Variants in AGMO observed in about 807,000 individuals in gnomAD.
The protein encoded by AGMO is alkylglycerol monooxygenase, also known as glyceryl-ether monooxygenase.
Under a neutral mutation model 60.2 loss-of-function variants are expected in AGMO, and 75 were observed. The ratio of observed to expected loss-of-function variants is 1.25; its 90% CI spans 1.03 to 1.51. The LOEUF is 1.51. Among genes scored for constraint, AGMO ranks in the 40% most tolerant of loss-of-function variants. The pLI, the probability that AGMO is intolerant of heterozygous loss-of-function variation, is 0.00. For missense variants in AGMO, 763 were observed against 525.5 expected (o/e 1.45, Z -4.42); for synonymous variants, 261 against 177.1 (o/e 1.47, Z -3.76).
At chr7:15,307,908 G>A (rs938331527) in intron 12 of AGMO, among the ~76,000 whole-genome samples, 2 of 152,028 alleles carry the variant, frequency 1.3e-5, no homozygotes, top group African/African-American at 4.8e-5. Context: ...AAACAAGTGT[G>A]ATGGAGTTTT....
chr7:15,293,767 C>G (rs529015020), intron 12 of AGMO, among the ~76,000 whole-genome samples: 41 of 152,280 alleles, frequency 2.7e-4, no homozygotes, highest in Non-Finnish European at 4.7e-4. Flanking sequence ...GAGTATTAAA[C>G]TAATATTTTA....
the AGMO span, among the ~76,000 whole-genome samples, chr7:15,138,930 T>C: frequency 6.6e-6 from 1 of 152,156 alleles, no homozygotes; most frequent in African/African-American, 2.4e-5. Context: ...TTTATATACA[T>C]TACATATATC....
At chr7:15,279,376 TA>T (rs780443449) in intron 12 of AGMO, among the ~76,000 whole-genome samples, 3 of 152,220 alleles carry the variant, frequency 2.0e-5, no homozygotes, top group Non-Finnish European at 4.4e-5. Context: ...CTTGAATTGT[TA>T]ACATTTACTT....
chr7:15,345,316 C>T (rs192760570), intron 12 of AGMO, among the ~76,000 whole-genome samples: 1 of 152,220 alleles, frequency 6.6e-6, no homozygotes, highest in Admixed American at 6.5e-5. Flanking sequence ...TTCAGTTCCC[C>T]AACATGGTAA....
At chr7:15,412,062 A>C (rs1235952557) in intron 5 of AGMO, among the ~76,000 whole-genome samples, 1 of 152,104 alleles carries the variant, frequency 6.6e-6, no homozygotes, top group African/African-American at 2.4e-5. Flanking sequence ...CTATAGAGTA[A>C]AATTTTTCTA....
chr7:15,396,985 AG>A (rs1395829094), intron 5 of AGMO, among the ~76,000 whole-genome samples: 11 of 152,064 alleles, frequency 7.2e-5, no homozygotes, highest in Admixed American at 7.2e-4. Flanking sequence ...ACCTTTAACT[AG>A]ACATAGAGTG....
At chr7:15,222,684 A>G (rs996725905) in intron 12 of AGMO, among the ~76,000 whole-genome samples, 3 of 152,036 alleles carry the variant, frequency 2.0e-5, no homozygotes, top group African/African-American at 7.2e-5. Flanking sequence ...AAAAATGGAA[A>G]GTTTGGCACT....
intron 6 of AGMO, 140 bp from the exon 7 acceptor site, chr7:15,391,045 A>C: frequency 1.8e-6 from 1 of 562,754 alleles, no homozygotes; most frequent in East Asian, 3.0e-5. Flanking sequence ...CTTCTCATTT[A>C]TAACATCAGA....
At chr7:15,267,290 T>A (rs1353463863) in intron 12 of AGMO, among the ~76,000 whole-genome samples, 1 of 152,002 alleles carries the variant, frequency 6.6e-6, no homozygotes, top group Admixed American at 6.6e-5. Context: ...TGAGATATAC[T>A]GACTACACTG....
At chr7:15,352,294 T>A (rs781043557) in intron 12 of AGMO, among the ~76,000 whole-genome samples, 36 of 152,076 alleles carry the variant, frequency 2.4e-4, no homozygotes, top group African/African-American at 6.5e-4. Flanking sequence ...ATTTAAAAAA[T>A]TTTTATGACG....
At chr7:15,198,209 G>GAC (rs1563030355), downstream of AGMO, among the ~76,000 whole-genome samples, 1 of 79,988 alleles carries the variant, frequency 1.3e-5, no homozygotes, top group Non-Finnish European at 2.3e-5. Context: ...GAGAGAGAGA[G>GAC]AGAGAGAGAG....
intron 3 of AGMO, among the ~76,000 whole-genome samples, chr7:15,502,811 G>T (rs1324617977): frequency 6.6e-6 from 1 of 152,008 alleles, no homozygotes; most frequent in African/African-American, 2.4e-5. Flanking sequence ...TAATGGGCTA[G>T]AGAGTTATGT....
the AGMO span, among the ~76,000 whole-genome samples, chr7:15,136,230 T>A: frequency 6.6e-6 from 1 of 152,044 alleles, no homozygotes. Flanking sequence ...TGACCTCAGG[T>A]GATCTGCTTG....
At chr7:15,537,143 A>G (rs931780909) in intron 3 of AGMO, among the ~76,000 whole-genome samples, 1 of 152,084 alleles carries the variant, frequency 6.6e-6, no homozygotes, top group Non-Finnish European at 1.5e-5. Flanking sequence ...CTAAACCTTC[A>G]CATAACCTTC....
chr7:15,418,514 G>T, intron 5 of AGMO, 44 bp downstream of exon 5: 1 of 1,225,462 alleles, frequency 8.2e-7, no homozygotes, highest in Non-Finnish European at 1.2e-6. Context: ...CATTGCTTCA[G>T]GCTGTTTAGG....
At chr7:15,486,705 T>C (rs901203477) in intron 3 of AGMO, among the ~76,000 whole-genome samples, 1 of 152,212 alleles carries the variant, frequency 6.6e-6, no homozygotes, top group Non-Finnish European at 1.5e-5. Flanking sequence ...AATAACAATG[T>C]TCGCTTTAGA....
chr7:15,442,515 C>T (rs1457169408), intron 3 of AGMO, among the ~76,000 whole-genome samples: 1 of 152,118 alleles, frequency 6.6e-6, no homozygotes, highest in Non-Finnish European at 1.5e-5. Flanking sequence ...ATTCCCCAAC[C>T]TTGACCCTTG....
chr7:15,499,803 A>G (rs1469692492), intron 3 of AGMO, among the ~76,000 whole-genome samples: 1 of 151,708 alleles, frequency 6.6e-6, no homozygotes, highest in African/African-American at 2.4e-5. Context: ...TGTAAAAGAG[A>G]TTAAAATGTT....
At chr7:15,446,096 C>T (rs777596330) in intron 3 of AGMO, among the ~76,000 whole-genome samples, 1 of 152,164 alleles carries the variant, frequency 6.6e-6, no homozygotes, top group East Asian at 1.9e-4. Flanking sequence ...CATTAAATTG[C>T]AAAATATTTA....
Sources: gnomAD v4.1 joint callset for allele counts (sites outside exome capture counted in the v4.1 genomes callset) on GRCh38, gnomAD v4.1.1 for gene constraint, MANE v1.5 for transcripts, NCBI Gene and HGNC (gene_info 2026-07-23, HGNC 2026-07-21) for gene names.